The following TSHZ2 variants were observed in gnomAD, a reference collection of about 807,000 sequenced individuals.
TSHZ2 encodes the protein teashirt zinc finger homeobox 2, also known as teashirt homolog 2.
A neutral mutation model predicts 74.4 loss-of-function variants in TSHZ2; 21 were observed. The observed-to-expected ratio is 0.28, with a 90% CI of 0.20 to 0.41. TSHZ2 has a LOEUF of 0.41. TSHZ2 is among the 10% of genes least tolerant of loss of function. TSHZ2 has a pLI of 1.00. For synonymous variants in TSHZ2, 540 were observed against 515.3 expected (o/e 1.05, Z -0.65); for missense variants, 1,244 against 1,293.5 (o/e 0.96, Z 0.59).
intron 1 of TSHZ2, among the ~76,000 whole-genome samples, chr20:53,247,746 A>G (rs1305407630): frequency 6.6e-6 from 1 of 152,218 alleles, no homozygotes; most frequent in Non-Finnish European, 1.5e-5. Flanking sequence ...GATTGGCGAA[A>G]ACGATCCTGT....
At chr20:53,156,714 A>G (rs1305400696) in intron 1 of TSHZ2, among the ~76,000 whole-genome samples, 1 of 152,246 alleles carries the variant, frequency 6.6e-6, no homozygotes, top group Non-Finnish European at 1.5e-5. Context: ...CCTACATTTC[A>G]GGATGAAAGA....
intron 1 of TSHZ2, among the ~76,000 whole-genome samples, chr20:53,156,536 T>C (rs544651121): frequency 1.3e-5 from 2 of 152,282 alleles, no homozygotes; most frequent in East Asian, 3.9e-4. Context: ...AGCTTATCAC[T>C]CTTTAACCTA....
intron 2 of TSHZ2, among the ~76,000 whole-genome samples, chr20:53,311,532 C>T (rs1286679931): frequency 6.6e-6 from 1 of 152,230 alleles, no homozygotes; most frequent in African/African-American, 2.4e-5. Context: ...TGAAACAAAT[C>T]AGCCCTCAGC....
intron 2 of TSHZ2, among the ~76,000 whole-genome samples, chr20:53,409,161 C>A (rs1239611843): frequency 1.3e-5 from 2 of 151,766 alleles, no homozygotes; most frequent in Non-Finnish European, 2.9e-5. Flanking sequence ...GATGTGAACT[C>A]CAGAATGATG....
chr20:53,266,859 C>A lies in TSHZ2; in HGVS notation c.*8+10288C>A, dbSNP rs965122920. ...GTGGCACGATCTCGGCTCACTGCAACCTTCACCTCCCAGGTTCAAGCAATT... is the reference window on the plus strand; with the variant it reads ...GTGGCACGATCTCGGCTCACTGCAAACTTCACCTCCCAGGTTCAAGCAATT... On this transcript the variant is annotated intron_variant, in intron 2 of 2. Coordinates refer to ENST00000371497, the MANE Select transcript of TSHZ2 (RefSeq NM_173485.6). Among the ~76,000 whole-genome samples, 11 of 149,600 alleles carry A rather than the reference C, an allele frequency of 7.4e-5. No individual in the cohort carries two copies. In the Admixed American group the frequency reaches 7.4e-4, roughly 10 times the overall value.
At chr20:53,465,962 T>C (rs1362228489) in intron 2 of TSHZ2, among the ~76,000 whole-genome samples, 1 of 110,892 alleles carries the variant, frequency 9.0e-6, no homozygotes, top group Non-Finnish European at 1.9e-5. Flanking sequence ...ATAATCACAG[T>C]GGTTAAAAAA....
intron 1 of TSHZ2, among the ~76,000 whole-genome samples, chr20:53,022,504 T>C (rs1277308639): frequency 6.6e-6 from 1 of 152,204 alleles, no homozygotes; most frequent in Non-Finnish European, 1.5e-5. Flanking sequence ...GAGAAAGTGC[T>C]TGTACATGCA....
chr20:53,303,734 C>T (rs927779544), intron 2 of TSHZ2, among the ~76,000 whole-genome samples: 2 of 152,182 alleles, frequency 1.3e-5, no homozygotes, highest in Admixed American at 6.5e-5. Flanking sequence ...GAAGCAGCCT[C>T]TCTGTTCTTC....
chr20:53,308,930 C>A (rs1978660606), intron 2 of TSHZ2, among the ~76,000 whole-genome samples: 1 of 152,138 alleles, frequency 6.6e-6, no homozygotes, highest in Non-Finnish European at 1.5e-5. Context: ...TGAGGCCTTG[C>A]ATCGGGGCAG....
chr20:53,321,942 C>T (rs1240547214), intron 2 of TSHZ2, among the ~76,000 whole-genome samples: 2 of 152,044 alleles, frequency 1.3e-5, no homozygotes, highest in Non-Finnish European at 2.9e-5. Context: ...AAGAGGGCCG[C>T]CATCCCCTGC....
At chr20:53,056,090 T>C (rs1263378395) in intron 1 of TSHZ2, among the ~76,000 whole-genome samples, 1 of 152,248 alleles carries the variant, frequency 6.6e-6, no homozygotes, top group Non-Finnish European at 1.5e-5. Flanking sequence ...TCTTAGAATC[T>C]GAGCTCCTCA....
At chr20:53,084,873 A>T (rs2123241351) in intron 1 of TSHZ2, among the ~76,000 whole-genome samples, 1 of 152,248 alleles carries the variant, frequency 6.6e-6, no homozygotes, top group South Asian at 2.1e-4. Flanking sequence ...AAAGCAATTT[A>T]CTGAGAAAGT....
chr20:53,452,498 G>A (rs1230555853), intron 2 of TSHZ2, among the ~76,000 whole-genome samples: 1 of 151,838 alleles, frequency 6.6e-6, no homozygotes, highest in African/African-American at 2.4e-5. Context: ...TACTCGGGAG[G>A]CTGAGGCAGA....
At chr20:53,282,904 C>T (rs1159479855) in intron 2 of TSHZ2, among the ~76,000 whole-genome samples, 1 of 152,226 alleles carries the variant, frequency 6.6e-6, no homozygotes, top group African/African-American at 2.4e-5. Context: ...AGAACAGACA[C>T]ATGCAGTCCT....
At chr20:52,973,455 C>A in intron 1 of TSHZ2, 122 bp downstream of exon 1, 1 of 1,278,084 alleles carries the variant, frequency 7.8e-7, no homozygotes, top group Non-Finnish European at 1.1e-6. Context: ...GCGCCGGGTG[C>A]CCTTCTAATA....
intron 1 of TSHZ2, among the ~76,000 whole-genome samples, chr20:52,982,530 A>G (rs987277784): frequency 6.6e-6 from 1 of 152,204 alleles, no homozygotes; most frequent in Non-Finnish European, 1.5e-5. Flanking sequence ...CCGTACATGC[A>G]TTCATTTGTT....
At chr20:53,004,469 A>G (rs775271162) in intron 1 of TSHZ2, among the ~76,000 whole-genome samples, 9 of 152,294 alleles carry the variant, frequency 5.9e-5, no homozygotes, top group Non-Finnish European at 1.3e-4. Flanking sequence ...CCTTGACCCC[A>G]TGCAGGCGTT....
At chr20:53,182,149 C>T (rs1441072642) in intron 1 of TSHZ2, among the ~76,000 whole-genome samples, 1 of 148,448 alleles carries the variant, frequency 6.7e-6, no homozygotes, top group Non-Finnish European at 1.5e-5. Flanking sequence ...CTCTCCCTCC[C>T]TCCCTCTCTT....
At chr20:53,217,241 C>T in intron 1 of TSHZ2, among the ~76,000 whole-genome samples, 1 of 152,186 alleles carries the variant, frequency 6.6e-6, no homozygotes, top group East Asian at 1.9e-4. Context: ...TGGCCGATGC[C>T]AGCACCTGCA....
Sources: allele counts gnomAD v4.1 joint callset (sites outside exome capture counted in the v4.1 genomes callset), GRCh38; gene constraint gnomAD v4.1.1; transcripts MANE v1.5; gene names NCBI Gene and HGNC (gene_info 2026-07-23, HGNC 2026-07-21).